IFT140: variants seen among roughly 807,000 people sequenced by gnomAD.
IFT140 encodes the protein intraflagellar transport protein 140 homolog.
A neutral mutation model predicts 164.6 loss-of-function variants in IFT140; 133 were observed. The ratio of observed to expected loss-of-function variants is 0.81; its 90% CI spans 0.70 to 0.93. IFT140 has a LOEUF of 0.93. IFT140 is among the 40% of genes least tolerant of loss of function. The pLI, the probability that IFT140 is intolerant of heterozygous loss-of-function variation, is 0.00. For synonymous variants in IFT140, 860 were observed against 817.3 expected (o/e 1.05, Z -0.89); for missense variants, 2,045 against 1,972.3 (o/e 1.04, Z -0.70).
At chr16:1,526,173 C>T (rs2040689164) in intron 20 of IFT140, 96 bp from the exon 21 acceptor site, 1 of 1,193,580 alleles carries the variant, frequency 8.4e-7, no homozygotes, top group African/African-American at 1.5e-5. Context: ...CGCACCTTCC[C>T]ACACCGCCAA....
intron 13 of IFT140, among the ~76,000 whole-genome samples, chr16:1,572,033 G>A (rs1470204226): frequency 6.6e-6 from 1 of 152,048 alleles, no homozygotes; most frequent in Non-Finnish European, 1.5e-5. Flanking sequence ...AGGCGGTGGG[G>A]GAGAGGAAGG....
chr16:1,513,447 G>A (rs528708429), intron 30 of IFT140, among the ~76,000 whole-genome samples: 1 of 152,168 alleles, frequency 6.6e-6, no homozygotes, highest in East Asian at 2.0e-4. Flanking sequence ...GTTGCAGTGA[G>A]CCACGATCAT....
intron 7 of IFT140, 70 bp downstream of exon 7, chr16:1,589,535 C>T (rs941246406): frequency 1.4e-4 from 216 of 1,502,548 alleles, no homozygotes; most frequent in Non-Finnish European, 1.9e-4. Context: ...AGAGAAAGGG[C>T]CGTCAACGAG....
In IFT140 at chr16:1,562,401, G is replaced by C. The variant is rs574461290; in HGVS notation, c.2068-285C>G. 1.2e-4 allele frequency among the ~76,000 whole-genome samples: 19 copies of C among 152,242 alleles called. 1 individual carries two copies. The South Asian group carries it at 3.9e-3, about 32-fold the overall frequency. On this transcript the variant is annotated intron_variant, in intron 17 of 30. Transcript: ENST00000426508. ...AGCAAAGGCTCATCATTCCCACCCT[G>C]AACTGGTGACTGCAACTCAAAAGAG... is the stretch of plus-strand genomic sequence containing the variant.
chr16:1,591,812 A>G (rs2035197198), intron 6 of IFT140, among the ~76,000 whole-genome samples: 1 of 152,184 alleles, frequency 6.6e-6, no homozygotes, highest in Non-Finnish European at 1.5e-5. Context: ...CTGGCATACA[A>G]TAGGTGCTTG....
rs1361437771 is a variant in IFT140 at position 1,607,300 on chromosome 16, G to T, written c.-31-3C>A. On this transcript the variant is annotated splice_region_variant and splice_polypyrimidine_tract_variant and intron_variant, in intron 2 of 30. Coordinates refer to ENST00000426508, the MANE Select transcript of IFT140 (RefSeq NM_014714.4). ...TCAGGCCTCCTCAGCGCTGAAACCT[G>T]CAGGGAAAAAAAAATGACCAAGTCC... is the stretch of plus-strand genomic sequence containing the variant. 2 of 1,579,552 alleles carry T rather than the reference G, an allele frequency of 1.3e-6. No individual in the cohort carries two copies. Among genetic ancestry groups the T allele is most frequent in the East Asian group, 4.5e-5 (2 of 44,588 alleles).
rs1297850862 is a variant in IFT140, at chr16:1,610,678, T to G, written c.-46A>C. On this transcript the variant is annotated 5_prime_UTR_variant, in exon 2 of 31. Coordinates refer to ENST00000426508, the MANE Select transcript of IFT140 (RefSeq NM_014714.4). ...AGGCCACTCACCTCTGCCAGGCCGC[T>G]GAGCCGCCGCGCGTTGCCGGGACAA... 6.6e-6 allele frequency: 1 copy of G among 152,496 alleles called. No individual in the cohort carries two copies. Among genetic ancestry groups the G allele is most frequent in the East Asian group, 1.9e-4 (1 of 5,194 alleles). The allele number at this position is 152,496 out of a possible 1,614,324, so 9.4% of individuals were successfully genotyped here.
intron 13 of IFT140, among the ~76,000 whole-genome samples, chr16:1,575,626 T>TC (rs1239089960): frequency 2.6e-5 from 4 of 152,102 alleles, no homozygotes; most frequent in Non-Finnish European, 4.4e-5. Flanking sequence ...TTAGGTATCT[T>TC]CCCAAGCTCT....
Position 1,553,960 on chromosome 16 carries a change from A to T in IFT140, c.2399+3975T>A. 7.8e-7 allele frequency: 1 copy of T among 1,287,168 alleles called. No homozygotes were observed. The highest frequency in any genetic ancestry group is 1.0e-6 in the Non-Finnish European group (1 of 988,626). 79.7% of individuals were successfully genotyped at this position (1,287,168 alleles called of 1,614,324 possible). On this transcript the variant is annotated intron_variant, in intron 19 of 30. Transcript: ENST00000426508. This position sits in a 1 kb window ranked among gnomAD's most constrained non-coding sequence, Gnocchi z 4.4. The stretch of plus-strand genomic sequence containing the variant: ...ATAAAACTGTAAGTGAAACTGTAGC[A>T]TCAGCGACTAACTAGACGGGAACAA...
chr16:1,600,730 T>A (rs528127003), intron 4 of IFT140, among the ~76,000 whole-genome samples: 1 of 152,090 alleles, frequency 6.6e-6, no homozygotes, highest in Non-Finnish European at 1.5e-5. Flanking sequence ...CCACCACTGA[T>A]GTGAAAAAGA....
intron 2 of IFT140, among the ~76,000 whole-genome samples, chr16:1,608,966 C>A (rs761644705): frequency 1.3e-5 from 2 of 152,060 alleles, no homozygotes; most frequent in Non-Finnish European, 2.9e-5. Context: ...CCATCCTGGA[C>A]AACATGATGA....
At chr16:1,588,561 T>G (rs2035017567) in intron 7 of IFT140, among the ~76,000 whole-genome samples, 1 of 81,744 alleles carries the variant, frequency 1.2e-5, no homozygotes. Flanking sequence ...TAATAATGGC[T>G]ACTGAGCACA....
intron 15 of IFT140, 35 bp downstream of exon 15, chr16:1,568,182 G>A: frequency 6.8e-7 from 1 of 1,460,362 alleles, no homozygotes; most frequent in Non-Finnish European, 9.4e-7. Context: ...GAGGTGAGGA[G>A]GCGGAGTGGG....
chr16:1,512,634 A>G (rs770248910), intron 30 of IFT140, among the ~76,000 whole-genome samples: 8 of 152,180 alleles, frequency 5.3e-5, no homozygotes, highest in Non-Finnish European at 1.2e-4. Context: ...ACGGAAAACT[A>G]TAGTTCTCCT....
intron 6 of IFT140, among the ~76,000 whole-genome samples, chr16:1,590,246 A>G (rs1596429293): frequency 6.6e-6 from 1 of 150,602 alleles, no homozygotes; most frequent in South Asian, 2.1e-4. Context: ...ATGTGACCTG[A>G]CCTTACAGGC....
intron 19 of IFT140, chr16:1,534,485 A>C: frequency 6.2e-7 from 1 of 1,610,472 alleles, no homozygotes; most frequent in Non-Finnish European, 8.5e-7. Context: ...AGGTGGACGC[A>C]CATGACTGTG....
chr16:1,521,708 T>G (rs2040531795), intron 26 of IFT140, among the ~76,000 whole-genome samples: 2 of 149,240 alleles, frequency 1.3e-5, no homozygotes, highest in South Asian at 4.5e-4. Flanking sequence ...TTAAGAAAAA[T>G]TTTACATTCT....
intron 19 of IFT140, among the ~76,000 whole-genome samples, chr16:1,544,432 A>G (rs1177442610): frequency 2.7e-5 from 4 of 150,106 alleles, no homozygotes; most frequent in African/African-American, 4.9e-5. Flanking sequence ...TGATCCGCCC[A>G]CCTTGGCCTC....
chr16:1,566,567 T>G (rs1315296486), intron 15 of IFT140, among the ~76,000 whole-genome samples: 2 of 152,146 alleles, frequency 1.3e-5, no homozygotes, highest in Non-Finnish European at 2.9e-5. Context: ...GCTCAGGTGA[T>G]CCTCCCACCT....
Sources: gnomAD v4.1 joint callset for allele counts (sites outside exome capture counted in the v4.1 genomes callset) on GRCh38, gnomAD v4.1.1 for gene constraint, Gnocchi (gnomAD v3.1) non-coding constraint, MANE v1.5 for transcripts, NCBI Gene and HGNC (gene_info 2026-07-23, HGNC 2026-07-21) for gene names.